CACNA1D: variants seen among roughly 807,000 people sequenced by gnomAD.
CACNA1D encodes the protein voltage-dependent L-type calcium channel subunit alpha-1D.
Under a neutral mutation model 257.1 loss-of-function variants are expected in CACNA1D, and 55 were observed. That is an observed-to-expected ratio of 0.21 (90% CI 0.17 to 0.27). The LOEUF (loss-of-function observed/expected upper bound fraction) is 0.27. Among genes scored for constraint, CACNA1D ranks in the 10% least tolerant of loss-of-function variants. The pLI, the probability that CACNA1D is intolerant of heterozygous loss-of-function variation, is 1.00. For synonymous variants in CACNA1D, 980 were observed against 1,014.9 expected (o/e 0.97, Z 0.65); for missense variants, 1,876 against 2,784.0 (o/e 0.67, Z 7.34).
intron 44 of CACNA1D, among the ~76,000 whole-genome samples, chr3:53,804,627 G>T (rs934235224): frequency 6.6e-6 from 1 of 152,202 alleles, no homozygotes; most frequent in Non-Finnish European, 1.5e-5. Flanking sequence ...CATGCTTCAT[G>T]CATCTTGGTG....
At chr3:53,681,153 A>G (rs1476966406) in intron 8 of CACNA1D, among the ~76,000 whole-genome samples, 1 of 152,200 alleles carries the variant, frequency 6.6e-6, no homozygotes, top group African/African-American at 2.4e-5. Flanking sequence ...TACTGATACC[A>G]TTTATTAAAG....
At chr3:53,536,354 C>CT (rs140028759) in intron 3 of CACNA1D, among the ~76,000 whole-genome samples, 5,033 of 149,024 alleles carry the variant, frequency 0.034, 270 homozygotes, top group African/African-American at 0.12. Flanking sequence ...TGACCATTTA[C>CT]TTTTTTTTTT....
chr3:53,665,913 A>T, intron 6 of CACNA1D, 101 bp downstream of exon 6: 1 of 924,720 alleles, frequency 1.1e-6, no homozygotes, highest in South Asian at 1.4e-5. Flanking sequence ...AATAGGAAAA[A>T]AAATGCCCAA....
intron 18 of CACNA1D, among the ~76,000 whole-genome samples, chr3:53,732,448 G>T (rs2095005161): frequency 6.6e-6 from 1 of 152,212 alleles, no homozygotes; most frequent in African/African-American, 2.4e-5. Flanking sequence ...GATTGAGACT[G>T]AAAGTCCCAC....
At chr3:53,808,962 C>T (rs2095581970) in intron 46 of CACNA1D, 192 bp downstream of exon 46, 2 of 634,230 alleles carry the variant, frequency 3.2e-6, no homozygotes, top group Non-Finnish European at 5.3e-6. Flanking sequence ...CAAGCTCACA[C>T]AAGTGACTGC....
intron 5 of CACNA1D, among the ~76,000 whole-genome samples, chr3:53,661,340 A>T (rs1484256958): frequency 1.3e-5 from 2 of 151,876 alleles, no homozygotes; most frequent in African/African-American, 4.8e-5. Flanking sequence ...TGGAAAAAAA[A>T]ATTTCCAAAT....
rs576409919 is a variant in CACNA1D at position 53,631,481 on chromosome 3, A to G, written c.484-19298A>G. ...CACCATGTCTACAGTTGCTTCCTCT[A>G]CTGAGGTCTTGAACCCCTCAAAGTC... On this transcript the variant is annotated intron_variant, in intron 3 of 47. Transcript: ENST00000350061. 3.9e-4 allele frequency among the ~76,000 whole-genome samples: 60 copies of G among 152,276 alleles called. No individual in the cohort carries two copies. The South Asian group carries it at 0.011, about 29-fold the overall frequency.
chr3:53,628,442 C>G (rs1257917361), intron 3 of CACNA1D, among the ~76,000 whole-genome samples: 1 of 152,192 alleles, frequency 6.6e-6, no homozygotes, highest in African/African-American at 2.4e-5. Flanking sequence ...CTCCCTAACC[C>G]AATTCTAAAG....
At chr3:53,649,918 A>G (rs1021519001) in intron 3 of CACNA1D, among the ~76,000 whole-genome samples, 8 of 152,210 alleles carry the variant, frequency 5.3e-5, no homozygotes, top group Non-Finnish European at 8.8e-5. Flanking sequence ...GAAGGAGTCA[A>G]AGTTTTTAGA....
At chr3:53,735,534 A>T (rs1361621074) in intron 20 of CACNA1D, 31 bp downstream of exon 20, 1 of 1,612,164 alleles carries the variant, frequency 6.2e-7, no homozygotes, top group Non-Finnish European at 8.5e-7. Flanking sequence ...TCGCTCTGGG[A>T]TAGCCCTGGC....
At chr3:53,775,655 G>T (rs190312380) in intron 34 of CACNA1D, among the ~76,000 whole-genome samples, 80 of 152,240 alleles carry the variant, frequency 5.3e-4, no homozygotes, top group African/African-American at 1.9e-3. Context: ...CAGTTAGCGC[G>T]CTTGCATCAG....
intron 32 of CACNA1D, among the ~76,000 whole-genome samples, chr3:53,771,283 A>G (rs1007097216): frequency 2.2e-4 from 34 of 152,226 alleles, no homozygotes; most frequent in African/African-American, 5.8e-4. Context: ...TAGAAAGTGA[A>G]TCCTGCATCT....
intron 8 of CACNA1D, among the ~76,000 whole-genome samples, chr3:53,685,814 TA>T (rs1227985153): frequency 6.6e-6 from 1 of 152,148 alleles, no homozygotes; most frequent in African/African-American, 2.4e-5. Flanking sequence ...TTTATAGCTA[TA>T]TCAGTAAGGA....
chr3:53,792,670 G>A (rs1198379074), intron 40 of CACNA1D, among the ~76,000 whole-genome samples: 4 of 152,162 alleles, frequency 2.6e-5, no homozygotes, highest in African/African-American at 9.7e-5. Flanking sequence ...GAGGGTGGGA[G>A]CAATGTCACC....
chr3:53,724,966 C>CT (rs2094920001), intron 14 of CACNA1D, among the ~76,000 whole-genome samples: 1 of 142,974 alleles, frequency 7.0e-6, no homozygotes, highest in African/African-American at 2.6e-5. Context: ...ATCAGTGATT[C>CT]TTTTTTAAAA....
rs764593556 is a variant in CACNA1D, at chr3:53,781,662, C to G, written c.4787C>G (p.Ala1596Gly). 6.2e-7 allele frequency: 1 copy of G among 1,607,934 alleles called. No homozygotes were observed. The highest frequency in any genetic ancestry group is 8.5e-7 in the Non-Finnish European group (1 of 1,174,298). ...MKLLDQVVPP[A>G]GDDEVTVGKF... The stretch of plus-strand genomic sequence containing the variant: ...TTACTTGACCAAGTTGTCCCTCCAG[C>G]TGGTGGTCAGTGCAGTCTATTTCCT... The change falls in exon 39 of 48, where the codon GCT (alanine) becomes GGT (glycine). Residue 1596 changes from alanine (A) to glycine (G), a missense_variant. Ala to Gly is a moderately conservative substitution (Grantham distance 60). Around this residue, in one of 10 missense-constraint regions of CACNA1D, gnomAD observed 160 missense variants for 236.6 expected, o/e 0.68. Coordinates refer to ENST00000350061, the MANE Select transcript of CACNA1D (RefSeq NM_001128840.3).
chr3:53,580,696 C>T (rs979726576), intron 3 of CACNA1D, among the ~76,000 whole-genome samples: 2 of 152,242 alleles, frequency 1.3e-5, no homozygotes, highest in African/African-American at 2.4e-5. Flanking sequence ...CTATTTTGCT[C>T]AGCATTTATT....
At chr3:53,741,995 G>C (rs1477975664) in intron 21 of CACNA1D, among the ~76,000 whole-genome samples, 1 of 152,134 alleles carries the variant, frequency 6.6e-6, no homozygotes, top group Non-Finnish European at 1.5e-5. Context: ...TCTTCATTTT[G>C]AAGGTATTTT....
At chr3:53,641,783 C>T (rs1559455749) in intron 3 of CACNA1D, among the ~76,000 whole-genome samples, 1 of 152,166 alleles carries the variant, frequency 6.6e-6, no homozygotes. Flanking sequence ...ATTTGGAAAG[C>T]TGAGCCTAGA....
Sources: allele counts gnomAD v4.1 joint callset (sites outside exome capture counted in the v4.1 genomes callset), GRCh38; gene constraint gnomAD v4.1.1; regional missense constraint gnomAD v4.1.1; transcripts MANE v1.5; gene names NCBI Gene and HGNC (gene_info 2026-07-23, HGNC 2026-07-21).